Variants in VPS13C observed in about 807,000 individuals in gnomAD.
VPS13C encodes the protein vacuolar protein sorting 13 homolog C, also known as intermembrane lipid transfer protein VPS13C.
VPS13C carries 358 observed loss-of-function variants against 456.8 expected under a neutral mutation model. The ratio of observed to expected loss-of-function variants is 0.78; its 90% CI spans 0.72 to 0.86. The LOEUF (loss-of-function observed/expected upper bound fraction) is 0.86, where lower values mean the gene tolerates loss of function less well. Ranked by LOEUF, VPS13C falls within the 40% of genes least tolerant of loss-of-function variation. The probability of loss-of-function intolerance (pLI) is 0.00; values close to 1 mark genes in which losing one functional copy is unlikely to be tolerated. For synonymous variants in VPS13C, 1,578 were observed against 1,486.7 expected (o/e 1.06, Z -1.41); for missense variants, 4,818 against 4,385.4 (o/e 1.10, Z -2.79).
chr15:61,926,553 GCCACTGCAAA>G (rs1239567890), intron 52 of VPS13C, among the ~76,000 whole-genome samples: 1 of 152,142 alleles, frequency 6.6e-6, no homozygotes, highest in Non-Finnish European at 1.5e-5. Context: ...CATTTAAAAT[GCCACTGCAAA>G]TTAGTCACAT....
At chr15:61,890,844 C>T (rs62009078) in intron 66 of VPS13C, among the ~76,000 whole-genome samples, 8,662 of 152,170 alleles carry the variant, frequency 0.057, 308 homozygotes, top group Non-Finnish European at 0.08. Context: ...GTCAGGAGTT[C>T]GAGACCAGCC....
chr15:61,913,632 G>A (rs929908977), intron 61 of VPS13C, among the ~76,000 whole-genome samples: 1 of 132,374 alleles, frequency 7.6e-6, no homozygotes. Context: ...AGAAAGTTCT[G>A]ACTTTCTCAT....
chr15:61,862,449 A>G (rs1894277852), intron 82 of VPS13C, among the ~76,000 whole-genome samples: 1 of 152,176 alleles, frequency 6.6e-6, no homozygotes, highest in Non-Finnish European at 1.5e-5. Context: ...AAAACCCCAA[A>G]TTGATTCTCA....
chr15:62,034,012 T>C (rs28613580), intron 4 of VPS13C, among the ~76,000 whole-genome samples: 13,075 of 151,458 alleles, frequency 0.086, 1,225 homozygotes, highest in African/African-American at 0.24. Flanking sequence ...TCATTTCTGA[T>C]CATGCAATCT....
chr15:61,896,723 G>A (rs2042830235), intron 66 of VPS13C, among the ~76,000 whole-genome samples: 1 of 152,222 alleles, frequency 6.6e-6, no homozygotes, highest in Non-Finnish European at 1.5e-5. Context: ...AAAGCAGCTG[G>A]GAAGCTCGAA....
At chr15:62,021,279 C>T (rs181823031) in intron 8 of VPS13C, among the ~76,000 whole-genome samples, 5 of 151,830 alleles carry the variant, frequency 3.3e-5, no homozygotes, top group Non-Finnish European at 7.4e-5. Flanking sequence ...CACTTGTACT[C>T]CTTAAATTTA....
intron 8 of VPS13C, among the ~76,000 whole-genome samples, chr15:62,022,683 T>C (rs977081250): frequency 1.6e-4 from 24 of 151,952 alleles, no homozygotes; most frequent in African/African-American, 5.6e-4. Flanking sequence ...AATGTCAGTA[T>C]TGCTTTAATT....
chr15:61,998,818 G>A (rs1285995034), intron 16 of VPS13C, among the ~76,000 whole-genome samples: 3 of 152,116 alleles, frequency 2.0e-5, no homozygotes, highest in Non-Finnish European at 4.4e-5. Flanking sequence ...TGCTACCCCT[G>A]AGACAATCCT....
At chr15:62,011,927 G>A (rs1171730939) in intron 12 of VPS13C, among the ~76,000 whole-genome samples, 180 bp downstream of exon 12, 1 of 151,882 alleles carries the variant, frequency 6.6e-6, no homozygotes, top group Admixed American at 6.6e-5. Flanking sequence ...TTCTCCAGTG[G>A]TGTGTGTTAC....
intron 49 of VPS13C, among the ~76,000 whole-genome samples, chr15:61,932,954 G>A (rs1195821747): frequency 3.3e-5 from 5 of 152,036 alleles, no homozygotes; most frequent in African/African-American, 1.2e-4. Flanking sequence ...AGTGGAAAGG[G>A]AAGATGGAAA....
At chr15:62,044,812 C>A (rs1025242895) in intron 1 of VPS13C, among the ~76,000 whole-genome samples, 6 of 152,178 alleles carry the variant, frequency 3.9e-5, no homozygotes, top group Non-Finnish European at 8.8e-5. Context: ...TTACATGACT[C>A]AAATCTTAAA....
Position 61,907,259 on chromosome 15 carries a change from G to C in VPS13C, c.9105+5C>G, listed in dbSNP as rs759710662. 3 of 1,613,590 alleles carry C rather than the reference G, an allele frequency of 1.9e-6. No individual in the cohort carries two copies. The Admixed American group carries it at 5.0e-5, about 27-fold the overall frequency. On this transcript the variant is annotated splice_donor_5th_base_variant and intron_variant, in intron 66 of 84. Coordinates refer to ENST00000644861, the MANE Select transcript of VPS13C (RefSeq NM_020821.3). ...CATATAGCACTCATTCACATCAAAA[G>C]ATACCTTTAACAGATCATGTTCCCC...
intron 16 of VPS13C, among the ~76,000 whole-genome samples, chr15:61,995,241 T>C (rs2046344542): frequency 6.6e-6 from 1 of 152,006 alleles, no homozygotes; most frequent in Non-Finnish European, 1.5e-5. Flanking sequence ...GAACAAAATA[T>C]AAAAAAGATC....
intron 15 of VPS13C, among the ~76,000 whole-genome samples, chr15:62,001,819 T>A (rs1409156839): frequency 6.6e-6 from 1 of 152,226 alleles, no homozygotes. Context: ...ATTTCCAATT[T>A]CATCCATGTC....
At position 62,033,427 on chromosome 15, in the gene VPS13C, A is replaced by G. The variant is rs2047883507; in HGVS notation, c.385+14T>C. 5 of 1,576,342 alleles carry G rather than the reference A, an allele frequency of 3.2e-6. No individual in the cohort carries two copies. Among genetic ancestry groups the G allele is most frequent in the African/African-American group, 1.4e-5 (1 of 73,384 alleles). On this transcript the variant is annotated intron_variant, in intron 5 of 84. Coordinates refer to ENST00000644861, the MANE Select transcript of VPS13C (RefSeq NM_020821.3). ...TATAGGTATGTCTAAGTTTATCTCAAAAAAACTTTTTACCTTTTTCTGCTG... is the reference window on the plus strand; with the variant it reads ...TATAGGTATGTCTAAGTTTATCTCAGAAAAACTTTTTACCTTTTTCTGCTG...
intron 50 of VPS13C, among the ~76,000 whole-genome samples, chr15:61,930,370 C>T (rs993652465): frequency 6.6e-6 from 1 of 152,130 alleles, no homozygotes; most frequent in African/African-American, 2.4e-5. Context: ...AATTTGCAAA[C>T]TAGAAAAGCT....
chr15:61,890,778 G>A (rs1175504482), intron 66 of VPS13C, among the ~76,000 whole-genome samples: 1 of 152,150 alleles, frequency 6.6e-6, no homozygotes, highest in Non-Finnish European at 1.5e-5. Context: ...CCAGAGTGGT[G>A]GCTCACGCCT....
intron 63 of VPS13C, among the ~76,000 whole-genome samples, chr15:61,910,879 T>G (rs1331894765): frequency 6.6e-6 from 1 of 152,118 alleles, no homozygotes; most frequent in Non-Finnish European, 1.5e-5. Context: ...TATAGAATAC[T>G]AAGTAAATTC....
intron 52 of VPS13C, among the ~76,000 whole-genome samples, chr15:61,925,972 G>A (rs1190234873): frequency 6.6e-6 from 1 of 152,100 alleles, no homozygotes; most frequent in African/African-American, 2.4e-5. Flanking sequence ...ATCATGTAAG[G>A]CCTTTATTAG....
Sources: allele counts gnomAD v4.1 joint callset (sites outside exome capture counted in the v4.1 genomes callset), GRCh38; gene constraint gnomAD v4.1.1; transcripts MANE v1.5; gene names NCBI Gene and HGNC (gene_info 2026-07-23, HGNC 2026-07-21).